PPP1R14C: variants seen among roughly 807,000 people sequenced by gnomAD.
PPP1R14C encodes the protein protein phosphatase 1 regulatory subunit 14C.
In PPP1R14C, 16 loss-of-function variants were observed where a neutral mutation model predicts 20.4. The observed-to-expected ratio is 0.78, with a 90% CI of 0.53 to 1.19. PPP1R14C has a LOEUF of 1.19. PPP1R14C is among the 50% of genes most tolerant of loss of function. The pLI is 0.00. For synonymous variants in PPP1R14C, 91 were observed against 91.0 expected, an observed-to-expected ratio of 1.00 and a Z score of 0.00; for missense variants, 211 against 220.1, an observed-to-expected ratio of 0.96 and a Z score of 0.26.
chr6:150,214,788 T>C lies in PPP1R14C; in HGVS notation c.351T>C (p.Leu117=), dbSNP rs769140580. ...TAGAAATTGACATTGATGATCTTCT[T>C]GATGCAGACAGTGATGAAGAGAGAG... The part of the protein sequence containing the change: ...PEVEIDIDDL[L]DADSDEERAS... Residue 117 remains leucine, a synonymous_variant, in exon 2 of 4, where the codon CTT becomes CTC. Transcript: ENST00000361131. 4 of 1,613,184 alleles carry C rather than the reference T, an allele frequency of 2.5e-6. No homozygotes were observed. Among genetic ancestry groups the C allele is most frequent in the Non-Finnish European group, 3.4e-6 (4 of 1,179,614 alleles).
intron 1 of PPP1R14C, among the ~76,000 whole-genome samples, chr6:150,186,324 C>G (rs1777676575): frequency 6.6e-6 from 1 of 152,146 alleles, no homozygotes; most frequent in Admixed American, 6.5e-5. Flanking sequence ...CACTGTTGGT[C>G]TGAAGAGCAA....
chr6:150,216,698 T>G, intron 2 of PPP1R14C, 126 bp from the exon 3 acceptor site: 1 of 685,510 alleles, frequency 1.5e-6, no homozygotes, highest in South Asian at 1.8e-5. Flanking sequence ...CGTTTCTAGA[T>G]AGTATGAAAT....
intron 3 of PPP1R14C, among the ~76,000 whole-genome samples, chr6:150,226,272 T>A (rs1778229215): frequency 6.6e-6 from 1 of 152,226 alleles, no homozygotes; most frequent in Non-Finnish European, 1.5e-5. Flanking sequence ...AAATGCCATT[T>A]CTAATGTAGT....
intron 1 of PPP1R14C, among the ~76,000 whole-genome samples, chr6:150,161,125 C>T (rs1777362145): frequency 6.6e-6 from 1 of 151,990 alleles, no homozygotes; most frequent in South Asian, 2.1e-4. Context: ...ACTAAAAATA[C>T]AAAAATTAGC....
chr6:150,177,310 G>T (rs1173197790), intron 1 of PPP1R14C, among the ~76,000 whole-genome samples: 2 of 152,180 alleles, frequency 1.3e-5, no homozygotes, highest in Non-Finnish European at 2.9e-5. Context: ...AAAAAATGAA[G>T]TCATAGTTTC....
intron 1 of PPP1R14C, among the ~76,000 whole-genome samples, chr6:150,158,444 TG>T (rs1226643689): frequency 3.3e-5 from 5 of 152,212 alleles, no homozygotes; most frequent in Admixed American, 2.0e-4. Flanking sequence ...AAAATCTTGT[TG>T]GGTTGCTTCA....
At chr6:150,181,143 G>A (rs545201057) in intron 1 of PPP1R14C, among the ~76,000 whole-genome samples, 21 of 152,234 alleles carry the variant, frequency 1.4e-4, no homozygotes, top group African/African-American at 5.1e-4. Context: ...ATAGTGGCTG[G>A]GAGCTTCAGG....
intron 1 of PPP1R14C, among the ~76,000 whole-genome samples, chr6:150,167,990 C>CTTTCTCCCCTTCTCTCCTCCCCCT (rs1562259802): frequency 0.019 from 15 of 780 alleles, 4 homozygotes; most frequent in African/African-American, 0.018. Context: ...CTCCTCCCCT[C>CTTTCTCCCCTTCTCTCCTCCCCCT]TTCCTCTCCC....
At chr6:150,178,003 A>G (rs777988994) in intron 1 of PPP1R14C, among the ~76,000 whole-genome samples, 2 of 152,220 alleles carry the variant, frequency 1.3e-5, no homozygotes, top group Non-Finnish European at 2.9e-5. Context: ...TACCTCGCAC[A>G]AGAATGTGCT....
chr6:150,210,842 C>T (rs888094020), intron 1 of PPP1R14C, among the ~76,000 whole-genome samples: 2 of 152,168 alleles, frequency 1.3e-5, no homozygotes, highest in African/African-American at 4.8e-5. Flanking sequence ...CTGCACTCCT[C>T]ACTCTACTGT....
At chr6:150,219,239 A>G (rs1026282078) in intron 3 of PPP1R14C, among the ~76,000 whole-genome samples, 54 of 150,728 alleles carry the variant, frequency 3.6e-4, no homozygotes, top group African/African-American at 1.3e-3. Flanking sequence ...TATTATTATT[A>G]TTATTTTGAG....
chr6:150,159,427 G>A (rs1052497944), intron 1 of PPP1R14C, among the ~76,000 whole-genome samples: 1 of 152,032 alleles, frequency 6.6e-6, no homozygotes, highest in African/African-American at 2.4e-5. Context: ...TGACCTCCAT[G>A]TTGCTAAATT....
rs554521589 is a variant in PPP1R14C at position 150,209,919 on chromosome 6, GTA to G, written c.307-4823_307-4822del. ...TCTGTGTGTATGTGTATATGTTTGT[GTA>G]TGTGTGTGTGCATGTGTGTGTATGA... On this transcript the variant is annotated intron_variant, in intron 1 of 3. Coordinates refer to ENST00000361131, the MANE Select transcript of PPP1R14C (RefSeq NM_030949.3). 1.2e-3 allele frequency among the ~76,000 whole-genome samples: 183 copies of G among 151,556 alleles called. 1 individual carries two copies. The highest frequency in any genetic ancestry group is 4.2e-3 in the African/African-American group (172 of 41,282).
At chr6:150,248,682 G>T in intron 3 of PPP1R14C, 64 bp from the exon 4 acceptor site, 3 of 1,131,702 alleles carry the variant, frequency 2.7e-6, no homozygotes, top group South Asian at 2.6e-5. Flanking sequence ...ATTACTTTAA[G>T]CAGATTTTTA....
At chr6:150,146,097 C>G (rs1192227705) in intron 1 of PPP1R14C, among the ~76,000 whole-genome samples, 2 of 152,152 alleles carry the variant, frequency 1.3e-5, no homozygotes, top group African/African-American at 4.8e-5. Flanking sequence ...TATTACCTAC[C>G]TACTAGGTGA....
intron 1 of PPP1R14C, among the ~76,000 whole-genome samples, chr6:150,162,424 T>C (rs966504274): frequency 3.9e-5 from 6 of 152,344 alleles, no homozygotes. Flanking sequence ...TTCCAGTATG[T>C]CATATAATTG....
Position 150,143,095 on chromosome 6 carries a change from C to G in PPP1R14C, c.-98C>G. On this transcript the variant is annotated 5_prime_UTR_variant, in exon 1 of 4. Coordinates refer to ENST00000361131, the MANE Select transcript of PPP1R14C (RefSeq NM_030949.3). This position sits in a 1 kb window ranked among gnomAD's most constrained non-coding sequence, Gnocchi z 5.6. ...CGGCGCAGAGCAGGTGCCGGGGAGCCCTTCGCATGCGGCTGCCGGGCCGGA... is the reference window on the plus strand; with the variant it reads ...CGGCGCAGAGCAGGTGCCGGGGAGCGCTTCGCATGCGGCTGCCGGGCCGGA... 1 of 1,137,258 alleles carries G rather than the reference C, an allele frequency of 8.8e-7. No individual in the cohort carries two copies. The highest frequency in any genetic ancestry group is 1.1e-6 in the Non-Finnish European group (1 of 931,940). 70.4% of individuals were successfully genotyped at this position (1,137,258 alleles called of 1,614,324 possible).
intron 3 of PPP1R14C, among the ~76,000 whole-genome samples, chr6:150,226,707 AT>A (rs138373239): frequency 0.032 from 4,729 of 149,650 alleles, 121 homozygotes; most frequent in Non-Finnish European, 0.052. Flanking sequence ...CCATGCATTT[AT>A]TTTTTTTTTG....
At position 150,177,881 on chromosome 6, in the gene PPP1R14C, C is replaced by T. The variant is rs561522225; in HGVS notation, c.306+34383C>T. 7.2e-5 allele frequency among the ~76,000 whole-genome samples: 11 copies of T among 152,282 alleles called. No individual in the cohort carries two copies. In the East Asian group the frequency reaches 7.7e-4, roughly 11 times the overall value. ...ACAGACTCATCTCCTGAGGCCCCGT[C>T]GTCAGGCAAGAAAGATGGGCTTCCC... On this transcript the variant is annotated intron_variant, in intron 1 of 3. Coordinates refer to ENST00000361131, the MANE Select transcript of PPP1R14C (RefSeq NM_030949.3).
Sources: gnomAD v4.1 joint callset for allele counts (sites outside exome capture counted in the v4.1 genomes callset) on GRCh38, gnomAD v4.1.1 for gene constraint, Gnocchi (gnomAD v3.1) non-coding constraint, MANE v1.5 for transcripts, NCBI Gene and HGNC (gene_info 2026-07-23, HGNC 2026-07-21) for gene names.